Variants in ZNF251 observed in about 807,000 individuals in gnomAD.
The protein encoded by ZNF251 is zinc finger protein 251.
In ZNF251, 14 loss-of-function variants were observed where a neutral mutation model predicts 13.5. The ratio of observed to expected loss-of-function variants is 1.04; its 90% CI spans 0.69 to 1.63. ZNF251 has a LOEUF of 1.63. Ranked by LOEUF, ZNF251 falls within the 40% of genes most tolerant of loss-of-function variation. ZNF251 has a pLI of 0.00. For synonymous variants in ZNF251, 287 were observed against 295.2 expected (o/e 0.97, Z 0.28); for missense variants, 764 against 834.9 (o/e 0.92, Z 1.05).
At chr8:144,744,609 T>C (rs112915558) in intron 4 of ZNF251, among the ~76,000 whole-genome samples, 4,127 of 152,258 alleles carry the variant, frequency 0.027, 87 homozygotes, top group Non-Finnish European at 0.04. Flanking sequence ...GAATTAGTGC[T>C]CTTATAAGAA....
At chr8:144,736,569 G>A (rs2956171) in intron 4 of ZNF251, among the ~76,000 whole-genome samples, 67,761 of 151,360 alleles carry the variant, frequency 0.45, 15,865 homozygotes, top group Middle Eastern at 0.55. Context: ...TTGGCTCACC[G>A]CAACTTCCAC....
intron 4 of ZNF251, among the ~76,000 whole-genome samples, chr8:144,745,332 CTCTGT>C (rs1464541918): frequency 1.3e-5 from 2 of 151,662 alleles, no homozygotes; most frequent in African/African-American, 4.8e-5. Flanking sequence ...TATCTGGGCT[CTCTGT>C]TCTGTTTCAT....
In ZNF251 at chr8:144,738,984, G is replaced by A. The variant is rs1824030688; in HGVS notation, c.277+14699C>T. 2.6e-5 allele frequency among the ~76,000 whole-genome samples: 4 copies of A among 151,928 alleles called. 1 individual carries two copies. The South Asian group carries it at 8.3e-4, about 32-fold the overall frequency. ...GATGCACACAGCAGCCCTCCCAGGG[G>A]ACTACAAGGCCTTCCTGACGGGGAT... On this transcript the variant is annotated intron_variant, in intron 4 of 4. Coordinates refer to ENST00000292562, the MANE Select transcript of ZNF251 (RefSeq NM_138367.2).
chr8:144,722,554 C>T lies in ZNF251; in HGVS notation c.1106G>A (p.Arg369Lys). The change falls in exon 5 of 5, where the codon AGA (arginine) becomes AAA (lysine). Residue 369 changes from arginine to lysine, a missense_variant. Arg to Lys is a conservative substitution (Grantham distance 26). Transcript: ENST00000292562. The surrounding 1 kb of genome is among the most constrained non-coding windows in gnomAD (Gnocchi z 4.8). ...SRSSSLIQHE[R>K]IHTGEKPHKC... ...ATGGGGCTTCTCTCCAGTGTGAATT[C>T]TCTCATGCTGAATAAGGCTGGAGCT... 1 of 1,614,064 alleles carries T rather than the reference C, an allele frequency of 6.2e-7. No homozygotes were observed. The highest frequency in any genetic ancestry group is 8.5e-7 in the Non-Finnish European group (1 of 1,180,012).
Position 144,755,527 on chromosome 8 carries a change from A to T in ZNF251, c.-198T>A, listed in dbSNP as rs528319922. ...GCCGGGGAGGGGGCGGGCTAGGATG[A>T]AGAGGGCGGGCCGGGCCGAGCTGCG... On this transcript the variant is annotated 5_prime_UTR_variant, in exon 1 of 5. Transcript: ENST00000292562. 1.0e-3 allele frequency: 1,319 copies of T among 1,284,922 alleles called. 14 individuals are homozygous for T. In the African/African-American group the frequency reaches 0.019, roughly 18 times the overall value. 79.6% of individuals were successfully genotyped at this position (1,284,922 alleles called of 1,614,324 possible). A position where few individuals can be genotyped will look rare whatever the true frequency, so the allele number is the denominator to read the frequency against.
chr8:144,730,087 CCCTT>C lies in ZNF251; in HGVS notation c.278-6709_278-6706del, dbSNP rs559072530. 333 of 985,470 alleles carry C rather than the reference CCCTT, an allele frequency of 3.4e-4. 3 individuals are homozygous for C. The South Asian group carries it at 0.014, about 41-fold the overall frequency. The allele number at this position is 985,470 out of a possible 1,614,324, so 61.0% of individuals were successfully genotyped here. On this transcript the variant is annotated intron_variant, in intron 4 of 4. Coordinates refer to ENST00000292562, the MANE Select transcript of ZNF251 (RefSeq NM_138367.2). ...GTATGGCAGGCCCAGCAGTGCCTCT[CCCTT>C]CGTACATCACCAGAGTCGGCTGAAA... is the stretch of plus-strand genomic sequence containing the variant.
chr8:144,727,088 T>C (rs1823541635), intron 4 of ZNF251, among the ~76,000 whole-genome samples: 1 of 152,086 alleles, frequency 6.6e-6, no homozygotes, highest in East Asian at 1.9e-4. Flanking sequence ...AACCCAAACA[T>C]TGAAGAGTGT....
intron 4 of ZNF251, among the ~76,000 whole-genome samples, chr8:144,732,602 G>T (rs539328524): frequency 2.6e-5 from 4 of 151,196 alleles, no homozygotes; most frequent in Non-Finnish European, 5.9e-5. Flanking sequence ...CACGAGGTCA[G>T]GAGATGGAGA....
At position 144,754,413 on chromosome 8, in the gene ZNF251, G is replaced by A. The variant is rs768288529; in HGVS notation, c.34-92C>T. The A allele has an allele frequency of 5.1e-5, 75 of 1,468,130 alleles. No homozygotes were observed. In the East Asian group the frequency reaches 6.0e-4, roughly 12 times the overall value. The allele number at this position is 1,468,130 out of a possible 1,614,324, so 90.9% of individuals were successfully genotyped here. ...TGACCTGGTGGGGCCCCACTACCCA[G>A]GGCCCTGCTGTGGTCAGTATGAACT... On this transcript the variant is annotated intron_variant, in intron 2 of 4. Transcript: ENST00000292562.
Position 144,722,516 on chromosome 8 carries a change from A to G in ZNF251, c.1144T>C (p.Cys382Arg), listed in dbSNP as rs753649153. 2 of 1,613,752 alleles carry G rather than the reference A, an allele frequency of 1.2e-6. No individual in the cohort carries two copies. Among genetic ancestry groups the G allele is most frequent in the Non-Finnish European group, 1.7e-6 (2 of 1,179,866 alleles). ...GAGCTCTGACTGAAGGCCTTCCCAC[A>G]CTGATTGCATTTATGGGGCTTCTCT... ...TGEKPHKCNQCGKAFSQSSSL... is the reference protein window; with the variant it reads ...TGEKPHKCNQRGKAFSQSSSL... Residue 382 changes from cysteine to arginine, a missense_variant, in exon 5 of 5, where the codon TGT becomes CGT. Cys to Arg is a radical substitution (Grantham distance 180). Coordinates refer to ENST00000292562, the MANE Select transcript of ZNF251 (RefSeq NM_138367.2). This position sits in a 1 kb window ranked among gnomAD's most constrained non-coding sequence, Gnocchi z 4.8.
intron 4 of ZNF251, among the ~76,000 whole-genome samples, chr8:144,733,324 T>C (rs1823776815): frequency 6.6e-6 from 1 of 152,362 alleles, no homozygotes; most frequent in Admixed American, 6.5e-5. Context: ...GAGGATCACT[T>C]GAGGCCAAAA....
chr8:144,741,129 C>T (rs116002155), intron 4 of ZNF251, among the ~76,000 whole-genome samples: 4,428 of 152,262 alleles, frequency 0.029, 212 homozygotes, highest in African/African-American at 0.1. Flanking sequence ...CAAACGCAGA[C>T]GGGCCCGAGG....
chr8:144,747,737 C>T (rs1188365032), intron 4 of ZNF251, among the ~76,000 whole-genome samples: 4 of 152,064 alleles, frequency 2.6e-5, no homozygotes, highest in Middle Eastern at 3.2e-3. Flanking sequence ...CTCAGCCTCC[C>T]GAGTAGCTGA....
Position 144,754,281 on chromosome 8 carries a change from G to A in ZNF251, c.74C>T (p.Ser25Phe), listed in dbSNP as rs542903020. ...LTFQDVAVYFSQAEGRQLGPQ... is the reference protein window; with the variant it reads ...LTFQDVAVYFFQAEGRQLGPQ... ...GCCCAGCTGCCGCCCCTCCGCCTGA[G>A]AGAAGTACACGGCCACATCCTGGAA... is the stretch of plus-strand genomic sequence containing the variant. Residue 25 changes from serine to phenylalanine, a missense_variant, in exon 3 of 5, where the codon TCT becomes TTT. Coordinates refer to ENST00000292562, the MANE Select transcript of ZNF251 (RefSeq NM_138367.2). 3 of 1,613,264 alleles carry A rather than the reference G, an allele frequency of 1.9e-6. No individual in the cohort carries two copies. Among genetic ancestry groups the A allele is most frequent in the Admixed American group, 1.7e-5 (1 of 59,858 alleles).
chr8:144,722,016 G>A lies in ZNF251; in HGVS notation c.1644C>T (p.Asn548=). The A allele has an allele frequency of 3.7e-6, 6 of 1,603,414 alleles. No individual in the cohort carries two copies. Among genetic ancestry groups the A allele is most frequent in the Non-Finnish European group, 5.1e-6 (6 of 1,174,618 alleles). ...PTGEKHGRAF[N]HGANLILRWT... ...AGCGCAGAATGAGATTTGCACCATG[G>A]TTAAAGGCTCTGCCGTGCTTCTCTC... The change falls in exon 5 of 5, where the codon AAC becomes AAT. Residue 548 remains asparagine (N), a synonymous_variant. Coordinates refer to ENST00000292562, the MANE Select transcript of ZNF251 (RefSeq NM_138367.2). The surrounding 1 kb of genome is among the most constrained non-coding windows in gnomAD (Gnocchi z 4.8).
chr8:144,723,969 C>T (rs1337909608), intron 4 of ZNF251, among the ~76,000 whole-genome samples: 3 of 152,088 alleles, frequency 2.0e-5, no homozygotes, highest in East Asian at 1.9e-4. Context: ...CAGGGCCAGG[C>T]GCGGTGGCTC....
chr8:144,746,853 T>A (rs1824453199), intron 4 of ZNF251, among the ~76,000 whole-genome samples: 1 of 152,182 alleles, frequency 6.6e-6, no homozygotes, highest in Non-Finnish European at 1.5e-5. Context: ...TTTTGTGTCC[T>A]CTCTCTTCTT....
intron 4 of ZNF251, among the ~76,000 whole-genome samples, chr8:144,725,849 C>T (rs1182305169): frequency 6.6e-6 from 1 of 152,058 alleles, no homozygotes; most frequent in Non-Finnish European, 1.5e-5. Context: ...GAAGCCAAAT[C>T]CTGTCATATA....
rs777780439 is a variant in ZNF251, at chr8:144,734,517, T to C, written c.278-11135A>G. On this transcript the variant is annotated intron_variant, in intron 4 of 4. Transcript: ENST00000292562. The surrounding 1 kb of genome is among the most constrained non-coding windows in gnomAD (Gnocchi z 4.4). Reference sequence around the variant, plus strand: ...CGGCATGAACTCTACTTGGTGCCGCTGGCCCTGTGGTCCTGGGGCCTGGGG... The same window carrying C: ...CGGCATGAACTCTACTTGGTGCCGCCGGCCCTGTGGTCCTGGGGCCTGGGG... 6.6e-6 allele frequency among the ~76,000 whole-genome samples: 1 copy of C among 152,196 alleles called. No individual in the cohort carries two copies. The highest frequency in any genetic ancestry group is 2.4e-5 in the African/African-American group (1 of 41,450).
Sources: gnomAD v4.1 joint callset for allele counts (sites outside exome capture counted in the v4.1 genomes callset) on GRCh38, gnomAD v4.1.1 for gene constraint, Gnocchi (gnomAD v3.1) non-coding constraint, MANE v1.5 for transcripts, NCBI Gene and HGNC (gene_info 2026-07-23, HGNC 2026-07-21) for gene names.